GRIK2: variants seen among roughly 807,000 people sequenced by gnomAD.
GRIK2 encodes the protein glutamate ionotropic receptor kainate type subunit 2.
A neutral mutation model predicts 100.3 loss-of-function variants in GRIK2; 32 were observed. The observed-to-expected ratio is 0.32, with a 90% CI of 0.24 to 0.43. The LOEUF (loss-of-function observed/expected upper bound fraction) is 0.43. GRIK2 is among the 20% of genes least tolerant of loss of function. GRIK2 has a pLI of 1.00. For missense variants in GRIK2, 843 were observed against 1,114.9 expected, an observed-to-expected ratio of 0.76 and a Z score of 3.47; for synonymous variants, 417 against 389.4, an observed-to-expected ratio of 1.07 and a Z score of -0.83.
chr6:101,984,414 A>G (rs1028261107), intron 14 of GRIK2, among the ~76,000 whole-genome samples: 3 of 151,622 alleles, frequency 2.0e-5, no homozygotes, highest in African/African-American at 7.2e-5. Flanking sequence ...TGTCCCCTCA[A>G]AAAATCCATC....
intron 2 of GRIK2, among the ~76,000 whole-genome samples, chr6:101,552,152 G>C (rs1461002228): frequency 6.6e-6 from 1 of 152,120 alleles, no homozygotes; most frequent in Non-Finnish European, 1.5e-5. Context: ...GACCTTGGAA[G>C]TGGGAGTAAA....
At chr6:101,743,987 G>C (rs1237585245) in intron 7 of GRIK2, among the ~76,000 whole-genome samples, 1 of 151,976 alleles carries the variant, frequency 6.6e-6, no homozygotes, top group African/African-American at 2.4e-5. Flanking sequence ...CTGTTGCCCA[G>C]GCTGGAGTGC....
At chr6:102,027,958 C>A (rs1335025) in intron 14 of GRIK2, among the ~76,000 whole-genome samples, 91,108 of 150,690 alleles carry the variant, frequency 0.6, 28,259 homozygotes, top group African/African-American at 0.74. Context: ...ATAATATTTT[C>A]GAAGAAATTT....
At chr6:101,478,038 T>C (rs1283567305) in intron 2 of GRIK2, among the ~76,000 whole-genome samples, 4 of 152,188 alleles carry the variant, frequency 2.6e-5, no homozygotes, top group African/African-American at 9.7e-5. Context: ...TGAGTTTTTA[T>C]GAAAAGGCTG....
intron 2 of GRIK2, among the ~76,000 whole-genome samples, chr6:101,494,969 ATT>A (rs1419295389): frequency 2.0e-5 from 2 of 99,146 alleles, no homozygotes; most frequent in African/African-American, 4.3e-5. Context: ...CTATATATGC[ATT>A]TATATATATA....
chr6:101,710,836 AG>A (rs2128358951), intron 7 of GRIK2, among the ~76,000 whole-genome samples: 1 of 152,004 alleles, frequency 6.6e-6, no homozygotes, highest in East Asian at 1.9e-4. Flanking sequence ...TGAGATAAAA[AG>A]GGGAAAAGTT....
At chr6:101,465,169 T>C (rs1357432493) in intron 2 of GRIK2, among the ~76,000 whole-genome samples, 1 of 152,226 alleles carries the variant, frequency 6.6e-6, no homozygotes, top group African/African-American at 2.4e-5. Context: ...TTGTATTACA[T>C]GAATATATCG....
intron 7 of GRIK2, among the ~76,000 whole-genome samples, chr6:101,695,466 C>T (rs1772416663): frequency 6.6e-6 from 1 of 152,094 alleles, no homozygotes; most frequent in Non-Finnish European, 1.5e-5. Context: ...ATAGCACGCA[C>T]TTTTGTGAAT....
At chr6:101,517,829 G>GTAATAAAGAAGCTTATT (rs1231386694) in intron 2 of GRIK2, among the ~76,000 whole-genome samples, 3 of 152,092 alleles carry the variant, frequency 2.0e-5, no homozygotes, top group Non-Finnish European at 4.4e-5. Context: ...ATTTGGCTAT[G>GTAATAAAGAAGCTTATT]TAATAAAGAA....
intron 2 of GRIK2, among the ~76,000 whole-genome samples, chr6:101,402,327 A>G (rs1368110591): frequency 2.0e-5 from 3 of 152,164 alleles, no homozygotes; most frequent in Non-Finnish European, 4.4e-5. Context: ...CTCCGGGTGC[A>G]TTTGGCACAG....
chr6:101,477,607 C>G (rs370817281), intron 2 of GRIK2, among the ~76,000 whole-genome samples: 162 of 152,238 alleles, frequency 1.1e-3, no homozygotes, highest in Middle Eastern at 6.8e-3. Context: ...TACGTTCATT[C>G]TAGAGGTTTA....
intron 11 of GRIK2, among the ~76,000 whole-genome samples, chr6:101,862,366 C>A (rs1352868524): frequency 6.6e-6 from 1 of 152,056 alleles, no homozygotes; most frequent in Non-Finnish European, 1.5e-5. Context: ...TGAAGAGATT[C>A]ATTTTCTTTC....
At chr6:101,998,819 T>G (rs1794781680) in intron 14 of GRIK2, among the ~76,000 whole-genome samples, 1 of 144,486 alleles carries the variant, frequency 6.9e-6, no homozygotes. Flanking sequence ...TTTCTTTTTT[T>G]TTTTTTTTTT....
At chr6:101,398,471 A>G (rs1260223715) in intron 1 of GRIK2, among the ~76,000 whole-genome samples, 1 of 152,196 alleles carries the variant, frequency 6.6e-6, no homozygotes, top group Non-Finnish European at 1.5e-5. Flanking sequence ...TCCTGGTCAA[A>G]ATAAAAGTAT....
chr6:101,686,267 G>A lies in GRIK2; in HGVS notation c.865G>A (p.Val289Ile). ...AATATTAAATACAGAAAATACCCAA[G>A]TCTCCTCCATCATTGAAAAGTGGTC... ...FRILNTENTQ[V>I]SSIIEKWSME... Residue 289 changes from valine (V) to isoleucine (I), a missense_variant, in exon 7 of 17, where the codon GTC (valine) becomes ATC (isoleucine). Transcript: ENST00000369134. 2 of 1,613,008 alleles carry A rather than the reference G, an allele frequency of 1.2e-6. No individual in the cohort carries two copies. The highest frequency in any genetic ancestry group is 1.7e-6 in the Non-Finnish European group (2 of 1,179,144).
At chr6:101,986,082 T>A (rs569927228) in intron 14 of GRIK2, among the ~76,000 whole-genome samples, 1 of 151,970 alleles carries the variant, frequency 6.6e-6, no homozygotes, top group South Asian at 2.1e-4. Context: ...TATCTCAATG[T>A]CTGGATTTCA....
intron 14 of GRIK2, among the ~76,000 whole-genome samples, chr6:102,010,543 C>T (rs939310263): frequency 6.6e-6 from 1 of 151,872 alleles, no homozygotes; most frequent in African/African-American, 2.4e-5. Flanking sequence ...GCCACCATGC[C>T]CAGCTAATTT....
chr6:101,536,350 C>T (rs1393721247), intron 2 of GRIK2, among the ~76,000 whole-genome samples: 7 of 151,086 alleles, frequency 4.6e-5, no homozygotes, highest in Non-Finnish European at 1.0e-4. Flanking sequence ...TTTTTTTGTT[C>T]CAGCATGCTT....
chr6:101,983,787 C>T (rs1482916845), intron 14 of GRIK2, among the ~76,000 whole-genome samples: 1 of 151,568 alleles, frequency 6.6e-6, no homozygotes, highest in Non-Finnish European at 1.5e-5. Context: ...GTACAGAAAC[C>T]ATGTATTTCT....
Sources: gnomAD v4.1 joint callset for allele counts (sites outside exome capture counted in the v4.1 genomes callset) on GRCh38, gnomAD v4.1.1 for gene constraint, MANE v1.5 for transcripts, NCBI Gene and HGNC (gene_info 2026-07-23, HGNC 2026-07-21) for gene names.